Variants in GGTA1 observed in about 807,000 individuals in gnomAD.
GGTA1 encodes the protein glycoprotein alpha-galactosyltransferase 1 (inactive), also known as inactive N-acetyllactosaminide alpha-1,3-galactosyltransferase.
A neutral mutation model predicts 2.6 loss-of-function variants in GGTA1; 5 were observed. The observed-to-expected ratio is 1.92, with a 90% CI of 1.00 to 4.04. The LOEUF is 4.04. Among genes scored for constraint, GGTA1 ranks in the 30% most tolerant of loss-of-function variants. The pLI is 0.00. For synonymous variants in GGTA1, 17 were observed against 5.0 expected, an observed-to-expected ratio of 3.38 and a Z score of -3.19; for missense variants, 50 against 16.7, an observed-to-expected ratio of 2.99 and a Z score of -3.47.
At chr9:121,473,539 T>G (rs1828439757) in intron 1 of GGTA1, among the ~76,000 whole-genome samples, 1 of 152,124 alleles carries the variant, frequency 6.6e-6, no homozygotes, top group African/African-American at 2.4e-5. Context: ...GCCATTGTGG[T>G]CTAAAAGTTC....
At chr9:121,465,018 A>G in intron 2 of GGTA1, among the ~76,000 whole-genome samples, 1 of 146,996 alleles carries the variant, frequency 6.8e-6, no homozygotes, top group African/African-American at 2.5e-5. Flanking sequence ...AAAAAAAAAA[A>G]CAAAAAACAA....
chr9:121,482,651 C>T (rs991036317), intron 1 of GGTA1, among the ~76,000 whole-genome samples: 2 of 152,266 alleles, frequency 1.3e-5, no homozygotes, highest in Middle Eastern at 3.4e-3. Flanking sequence ...CGCCTGCAAT[C>T]CCAGCTACTC....
intron 1 of GGTA1, among the ~76,000 whole-genome samples, chr9:121,486,368 T>C (rs1211644608): frequency 6.6e-6 from 1 of 152,220 alleles, no homozygotes; most frequent in Non-Finnish European, 1.5e-5. Context: ...CAGTGCACAA[T>C]GAACAGGTTC....
Position 121,496,000 on chromosome 9 carries a change from T to C in GGTA1, c.-10+3650A>G, listed in dbSNP as rs551543380. ...AGCCATGAACATGGATGAATTTGCCTGGCCCACAGAGTACAAGTACCAGGT... is the reference window on the plus strand; with the variant it reads ...AGCCATGAACATGGATGAATTTGCCCGGCCCACAGAGTACAAGTACCAGGT... On this transcript the variant is annotated intron_variant, in intron 1 of 5. Transcript: ENST00000481799. 2.9e-4 allele frequency among the ~76,000 whole-genome samples: 44 copies of C among 152,336 alleles called. No individual in the cohort carries two copies. The East Asian group carries it at 6.4e-3, about 22-fold the overall frequency.
chr9:121,469,388 A>T (rs1387469459), intron 1 of GGTA1, among the ~76,000 whole-genome samples: 1 of 152,192 alleles, frequency 6.6e-6, no homozygotes, highest in Non-Finnish European at 1.5e-5. Context: ...GCTGGATCCA[A>T]GGAGGGGTGC....
intron 3 of GGTA1, 58 bp downstream of exon 3, chr9:121,463,235 G>C (rs918914099): frequency 4.4e-6 from 2 of 454,060 alleles, no homozygotes; most frequent in Non-Finnish European, 8.8e-6. Flanking sequence ...GGACTGTAGG[G>C]GGTGCCAGAG....
At chr9:121,452,172 C>T (rs978040267), downstream of GGTA1, 15 of 152,638 alleles carry the variant, frequency 9.8e-5, no homozygotes, top group African/African-American at 2.4e-5. Context: ...ATCAACCGCA[C>T]GGTAATTTTC....
At position 121,499,711 on chromosome 9, in the gene GGTA1, C is replaced by A. The variant is rs1172237972; in HGVS notation, c.-71G>T. 6.6e-6 allele frequency: 1 copy of A among 151,934 alleles called. No homozygotes were observed. Among genetic ancestry groups the A allele is most frequent in the Non-Finnish European group, 1.5e-5 (1 of 67,960 alleles). The allele number at this position is 151,934 out of a possible 1,614,324, so 9.4% of individuals were successfully genotyped here. A position where few individuals can be genotyped will look rare whatever the true frequency, so the allele number is the denominator to read the frequency against. ...CGGTGAGCTGGGCTGAGCAGGACCG[C>A]GCCCAGCTCCCGGCCCCGGCGAAGC... On this transcript the variant is annotated 5_prime_UTR_variant, in exon 1 of 6. Transcript: ENST00000481799.
rs1001370867 is a variant in GGTA1 at position 121,455,180 on chromosome 9, C to T, written c.*657G>A. 5 of 152,058 alleles carry T rather than the reference C, an allele frequency of 3.3e-5. No individual in the cohort carries two copies. Among genetic ancestry groups the T allele is most frequent in the East Asian group, 1.9e-4 (1 of 5,190 alleles). 9.4% of individuals were successfully genotyped at this position (152,058 alleles called of 1,614,324 possible). A position where few individuals can be genotyped will look rare whatever the true frequency, so the allele number is the denominator to read the frequency against. ...TAAAACTCCCATCTTTGTTGAATGACGAGATTGTAAACCAGAAACCAAAAA... is the reference window on the plus strand; with the variant it reads ...TAAAACTCCCATCTTTGTTGAATGATGAGATTGTAAACCAGAAACCAAAAA... On this transcript the variant is annotated 3_prime_UTR_variant, in exon 6 of 6. Transcript: ENST00000481799.
chr9:121,463,213 C>G (rs1174909719), intron 3 of GGTA1, 80 bp downstream of exon 3: 1 of 440,982 alleles, frequency 2.3e-6, no homozygotes, highest in Non-Finnish European at 4.5e-6. Context: ...GGCTGGCTGC[C>G]GTGTGAAGAA....
At chr9:121,483,514 A>C (rs1260221035) in intron 1 of GGTA1, among the ~76,000 whole-genome samples, 1 of 152,240 alleles carries the variant, frequency 6.6e-6, no homozygotes, top group Admixed American at 6.5e-5. Flanking sequence ...AAAGCCAGAG[A>C]ACCGTAGCAA....
intron 1 of GGTA1, chr9:121,478,925 T>A (rs1023808841): frequency 5.2e-6 from 2 of 388,044 alleles, no homozygotes; most frequent in African/African-American, 4.4e-5. Context: ...TCTGCCTCCA[T>A]CCATAACTTC....
rs947175492 is a variant in GGTA1 at position 121,476,757 on chromosome 9, C to T, written c.-9-8826G>A. Among the ~76,000 whole-genome samples, 6 of 152,226 alleles carry T rather than the reference C, an allele frequency of 3.9e-5. No homozygotes were observed. Among genetic ancestry groups the T allele is most frequent in the Non-Finnish European group, 7.3e-5 (5 of 68,054 alleles). On this transcript the variant is annotated intron_variant, in intron 1 of 5. Transcript: ENST00000481799. This position sits in a 1 kb window ranked among gnomAD's most constrained non-coding sequence, Gnocchi z 4.6. The stretch of plus-strand genomic sequence containing the variant: ...AATGACGCTTAGGTGTCAGGGTCCT[C>T]ATGTGCACAAGCCCCTTTGCAAGAC...
chr9:121,460,129 G>A lies in GGTA1; in HGVS notation c.273C>T (p.Phe91=), dbSNP rs895543864. ...TTTGGATTAAACCAGTCCCATAGCCGAAGCTCTGTTGTGTCATTTTCCTTC... is the reference window on the plus strand; with the variant it reads ...TTTGGATTAAACCAGTCCCATAGCCAAAGCTCTGTTGTGTCATTTTCCTTC... The part of the protein sequence containing the change: ...TKGRKMTQQS[F]GYGTGLIQT Residue 91 remains phenylalanine, a synonymous_variant, in exon 5 of 6, where the codon TTC becomes TTT. Transcript: ENST00000481799. The A allele has an allele frequency of 8.3e-5, 38 of 456,756 alleles. No homozygotes were observed. Among genetic ancestry groups the A allele is most frequent in the Non-Finnish European group, 1.5e-4 (33 of 226,976 alleles). The allele number at this position is 456,756 out of a possible 1,614,324, so 28.3% of individuals were successfully genotyped here. A position where few individuals can be genotyped will look rare whatever the true frequency, so the allele number is the denominator to read the frequency against.
intron 1 of GGTA1, among the ~76,000 whole-genome samples, chr9:121,477,769 G>A (rs1274095054): frequency 3.3e-5 from 5 of 151,430 alleles, no homozygotes; most frequent in Admixed American, 6.6e-5. Flanking sequence ...TAGTAGAGAC[G>A]GGGTTTCACC....
chr9:121,479,591 A>G lies in GGTA1; in HGVS notation c.-9-11660T>C, dbSNP rs185411367. ...ACCACCCACCCTTGAGAGGGACACC[A>G]AGGGGGCCCACATCACACACTACTG... On this transcript the variant is annotated intron_variant, in intron 1 of 5. Coordinates refer to ENST00000481799, the MANE Select transcript of GGTA1 (RefSeq NM_001382585.1). 5.9e-5 allele frequency among the ~76,000 whole-genome samples: 9 copies of G among 152,226 alleles called. No homozygotes were observed. In the East Asian group the frequency reaches 1.7e-3, roughly 29 times the overall value.
chr9:121,460,950 T>C (rs1390904124), intron 4 of GGTA1, among the ~76,000 whole-genome samples: 3 of 151,838 alleles, frequency 2.0e-5, no homozygotes, highest in Non-Finnish European at 2.9e-5. Flanking sequence ...TGGTAGTGCA[T>C]GTCTGTAGTC....
At chr9:121,460,028 C>A (rs2064946437) in intron 5 of GGTA1, 76 bp downstream of exon 5, 1 of 441,528 alleles carries the variant, frequency 2.3e-6, no homozygotes, top group Non-Finnish European at 4.5e-6. Flanking sequence ...CTCAATGGCA[C>A]TGTTGCCTCC....
At chr9:121,495,079 C>G (rs895182732) in intron 1 of GGTA1, among the ~76,000 whole-genome samples, 2 of 151,918 alleles carry the variant, frequency 1.3e-5, no homozygotes, top group Admixed American at 1.3e-4. Flanking sequence ...ATTACCACAC[C>G]CAACTAATTT....
Sources: allele counts gnomAD v4.1 joint callset (sites outside exome capture counted in the v4.1 genomes callset), GRCh38; gene constraint gnomAD v4.1.1; non-coding constraint Gnocchi (gnomAD v3.1); transcripts MANE v1.5; gene names NCBI Gene and HGNC (gene_info 2026-07-23, HGNC 2026-07-21).